Variants in ZNF483 observed in about 807,000 individuals in gnomAD.
ZNF483 encodes the protein zinc finger protein HIT-10.
A neutral mutation model predicts 28.6 loss-of-function variants in ZNF483; 9 were observed. The observed-to-expected ratio is 0.32, with a 90% CI of 0.19 to 0.55. The LOEUF is 0.55. Ranked by LOEUF, ZNF483 falls within the 20% of genes least tolerant of loss-of-function variation. ZNF483 has a pLI of 0.93. For synonymous variants in ZNF483, 322 were observed against 306.2 expected, an observed-to-expected ratio of 1.05 and a Z score of -0.54; for missense variants, 675 against 871.7, an observed-to-expected ratio of 0.77 and a Z score of 2.84.
At position 111,542,829 on chromosome 9, in the gene ZNF483, G is replaced by C. The variant is rs1359267937; in HGVS notation, c.1894G>C (p.Glu632Gln). Reference protein sequence around the residue: ...VIYHQRLHSGEKPYKCNQCEK... With the variant: ...VIYHQRLHSGQKPYKCNQCEK... ...TTATCATCAAAGACTTCATTCAGGA[G>C]AAAAACCCTACAAATGTAACCAGTG... The change falls in exon 6 of 6, where the codon GAA (glutamate) becomes CAA (glutamine). Residue 632 changes from glutamate (E) to glutamine (Q), a missense_variant. Glu to Gln is a conservative substitution (Grantham distance 29). Around this residue, in one of 6 missense-constraint regions of ZNF483, gnomAD observed 47 missense variants for 93.5 expected, o/e 0.50. Coordinates refer to ENST00000309235, the MANE Select transcript of ZNF483 (RefSeq NM_133464.5). This position sits in a 1 kb window ranked among gnomAD's most constrained non-coding sequence, Gnocchi z 6.2. 1.6e-5 allele frequency: 26 copies of C among 1,613,960 alleles called. No individual in the cohort carries two copies. The highest frequency in any genetic ancestry group is 2.2e-5 in the Non-Finnish European group (26 of 1,180,020).
At position 111,552,146 on chromosome 9, in the gene ZNF483, T is replaced by C. The variant is rs1003539058; in HGVS notation, c.*8976T>C. Among the ~76,000 whole-genome samples, 2 of 152,238 alleles carry C rather than the reference T, an allele frequency of 1.3e-5. No individual in the cohort carries two copies. The highest frequency in any genetic ancestry group is 2.4e-5 in the African/African-American group (1 of 41,456). Reference sequence around the variant, plus strand: ...GAATCACAGTGCTACTTTTTGTCTTTGATTGAATATTTGGTAAGCATTTCT... The same window carrying C: ...GAATCACAGTGCTACTTTTTGTCTTCGATTGAATATTTGGTAAGCATTTCT... On this transcript the variant is annotated 3_prime_UTR_variant, in exon 6 of 6. Transcript: ENST00000309235.
At chr9:111,574,660 G>A (rs779921329) in intron 5 of ZNF483, 2 of 951,794 alleles carry the variant, frequency 2.1e-6, no homozygotes, top group East Asian at 5.3e-5. Context: ...AGAGTCACTG[G>A]CCTATGGCAT....
rs776282913 is a variant in ZNF483, at chr9:111,574,740, G to T, written c.722-1625G>T. 26 of 1,611,108 alleles carry T rather than the reference G, an allele frequency of 1.6e-5. No individual in the cohort carries two copies. The highest frequency in any genetic ancestry group is 2.1e-5 in the Non-Finnish European group (25 of 1,178,376). On this transcript the variant is annotated intron_variant, in intron 5 of 5. Transcript: ENST00000358151. ...GTGTGCATGTGCTCATTACCTGGGG[G>T]AAGTGGGCCGGTTCTGTTATATGTA...
At chr9:111,571,542 C>G (rs1828821091) in intron 5 of ZNF483, among the ~76,000 whole-genome samples, 1 of 134,114 alleles carries the variant, frequency 7.5e-6, no homozygotes, top group African/African-American at 2.5e-5. Context: ...AAAGTGGTGC[C>G]ATCACTGCTC....
chr9:111,564,439 G>A (rs1291807861), intron 5 of ZNF483, among the ~76,000 whole-genome samples: 1 of 151,820 alleles, frequency 6.6e-6, no homozygotes, highest in African/African-American at 2.4e-5. Context: ...CTGAGTAGCT[G>A]GGACTACAGG....
chr9:111,573,138 G>C (rs933126107), intron 5 of ZNF483, among the ~76,000 whole-genome samples: 3 of 152,160 alleles, frequency 2.0e-5, no homozygotes, highest in African/African-American at 7.2e-5. Context: ...TTGCTAAAAA[G>C]ACTAGATCGA....
At chr9:111,535,969 C>A (rs1045001786) in intron 5 of ZNF483, among the ~76,000 whole-genome samples, 1 of 150,300 alleles carries the variant, frequency 6.7e-6, no homozygotes, top group Non-Finnish European at 1.5e-5. Flanking sequence ...TCACTGCAAC[C>A]TCTGCCTCCT....
intron 5 of ZNF483, among the ~76,000 whole-genome samples, chr9:111,538,972 G>A (rs1827594165): frequency 6.6e-6 from 1 of 152,004 alleles, no homozygotes; most frequent in African/African-American, 2.4e-5. Flanking sequence ...AATTAGCCAG[G>A]CGTGGTAGTG....
rs1336859934 is a variant in ZNF483, at chr9:111,547,918, C to T, written c.*4748C>T. On this transcript the variant is annotated 3_prime_UTR_variant, in exon 6 of 6. Coordinates refer to ENST00000309235, the MANE Select transcript of ZNF483 (RefSeq NM_133464.5). ...CATCATGTATTCTTTGCACTCTTGT[C>T]AAAGATCATTTGACCATATACATGC... 2.0e-5 allele frequency among the ~76,000 whole-genome samples: 3 copies of T among 152,166 alleles called. No homozygotes were observed. Among genetic ancestry groups the T allele is most frequent in the South Asian group, 2.1e-4 (1 of 4,834 alleles).
At chr9:111,536,146 C>T (rs1827494913) in intron 5 of ZNF483, among the ~76,000 whole-genome samples, 1 of 148,114 alleles carries the variant, frequency 6.8e-6, no homozygotes, top group Admixed American at 6.7e-5. Flanking sequence ...CCGCCTTGGC[C>T]TCTCAAAGTA....
Position 111,543,802 on chromosome 9 carries a change from T to C in ZNF483, c.*632T>C. The C allele has an allele frequency of 2.1e-6, 2 of 943,362 alleles. No individual in the cohort carries two copies. The highest frequency in any genetic ancestry group is 2.5e-6 in the Non-Finnish European group (2 of 791,744). The allele number at this position is 943,362 out of a possible 1,614,324, so 58.4% of individuals were successfully genotyped here. A position where few individuals can be genotyped will look rare whatever the true frequency, so the allele number is the denominator to read the frequency against. On this transcript the variant is annotated 3_prime_UTR_variant, in exon 6 of 6. Coordinates refer to ENST00000309235, the MANE Select transcript of ZNF483 (RefSeq NM_133464.5). ...TTTTTTTTTTTTCAATTTTTCTTTT[T>C]TGGGATGGAGTCTCACTATGTTGCC...
intron 5 of ZNF483, among the ~76,000 whole-genome samples, chr9:111,568,861 G>A (rs751482105): frequency 1.3e-5 from 2 of 152,206 alleles, no homozygotes; most frequent in East Asian, 1.9e-4. Context: ...AAGGCATGGT[G>A]CCTGGACCAG....
chr9:111,532,407 TAG>T (rs1420145377), intron 3 of ZNF483, among the ~76,000 whole-genome samples: 1 of 152,088 alleles, frequency 6.6e-6, no homozygotes, highest in African/African-American at 2.4e-5. Context: ...GTGTCCTTGC[TAG>T]AGAGGCAGGA....
At chr9:111,532,602 C>T (rs1345819767) in intron 3 of ZNF483, among the ~76,000 whole-genome samples, 2 of 152,128 alleles carry the variant, frequency 1.3e-5, no homozygotes, top group African/African-American at 2.4e-5. Context: ...CTTCTGGCCT[C>T]CAGAACTGTG....
chr9:111,567,663 T>C (rs1000032156), intron 5 of ZNF483, among the ~76,000 whole-genome samples: 7 of 152,198 alleles, frequency 4.6e-5, no homozygotes, highest in Non-Finnish European at 1.0e-4. Flanking sequence ...TGGTTTACTT[T>C]AAGTGAAATG....
chr9:111,525,570 C>T (rs1281540177), intron 1 of ZNF483, among the ~76,000 whole-genome samples: 1 of 152,142 alleles, frequency 6.6e-6, no homozygotes, highest in Non-Finnish European at 1.5e-5. Context: ...CTGGTTCTGC[C>T]CGTTAGATAA....
intron 5 of ZNF483, among the ~76,000 whole-genome samples, chr9:111,564,816 G>A (rs915192962): frequency 1.3e-5 from 2 of 151,880 alleles, no homozygotes; most frequent in African/African-American, 4.8e-5. Flanking sequence ...TTGGAGATAG[G>A]GCTTTTTAAA....
rs2132202984 is a variant in ZNF483, at chr9:111,525,224, T to C, written c.-167T>C. 6.6e-6 allele frequency: 1 copy of C among 152,326 alleles called. No homozygotes were observed. The highest frequency in any genetic ancestry group is 3.4e-3 in the Middle Eastern group (1 of 294). 9.4% of individuals were successfully genotyped at this position (152,326 alleles called of 1,614,324 possible). On this transcript the variant is annotated 5_prime_UTR_variant, in exon 1 of 6. Transcript: ENST00000309235. ...TGCGGGACAAGCTTCTGGAAGCTCT[T>C]TGCGGTGGCGTTGGTGCTGTTTGCG...
chr9:111,569,976 G>C (rs761804937), intron 5 of ZNF483: 19 of 1,518,044 alleles, frequency 1.3e-5, no homozygotes, highest in Non-Finnish European at 1.5e-5. Flanking sequence ...GACCCAATAG[G>C]GAAAAACTGA....
Sources: allele counts gnomAD v4.1 joint callset (sites outside exome capture counted in the v4.1 genomes callset), GRCh38; gene constraint gnomAD v4.1.1; regional missense constraint gnomAD v4.1.1; non-coding constraint Gnocchi (gnomAD v3.1); transcripts MANE v1.5; gene names NCBI Gene and HGNC (gene_info 2026-07-23, HGNC 2026-07-21).